The following LYRM4 variants were observed in gnomAD, a reference collection of about 807,000 sequenced individuals.
LYRM4 encodes the protein LYR motif containing 4, also known as LYR motif-containing protein 4.
A neutral mutation model predicts 11.7 loss-of-function variants in LYRM4; 9 were observed. The ratio of observed to expected loss-of-function variants is 0.77; its 90% confidence interval spans 0.46 to 1.34. The LOEUF (loss-of-function observed/expected upper bound fraction) is 1.34. Among genes scored for constraint, LYRM4 ranks in the 40% most tolerant of loss-of-function variants. The pLI is 0.00. For synonymous variants in LYRM4, 42 were observed against 40.4 expected, an observed-to-expected ratio of 1.04 and a Z score of -0.15; for missense variants, 133 against 112.5, an observed-to-expected ratio of 1.18 and a Z score of -0.82.
the LYRM4 span, among the ~76,000 whole-genome samples, chr6:5,079,370 T>C: frequency 6.6e-6 from 1 of 152,228 alleles, no homozygotes; most frequent in Non-Finnish European, 1.5e-5. Flanking sequence ...ATTCTCTTCT[T>C]GGTGCAAGGA....
At chr6:5,087,019 G>C in the LYRM4 span, 1 of 160,712 alleles carries the variant, frequency 6.2e-6, no homozygotes, top group Non-Finnish European at 1.4e-5. Context: ...CGGTGCACCA[G>C]AGGAAGGTGC....
chr6:5,200,313 G>A (rs1761313844), intron 2 of LYRM4, among the ~76,000 whole-genome samples: 1 of 152,100 alleles, frequency 6.6e-6, no homozygotes, highest in African/African-American at 2.4e-5. Flanking sequence ...CTCCACTCTC[G>A]AGGACATGTC....
At chr6:5,178,580 G>A (rs778875611) in intron 2 of LYRM4, among the ~76,000 whole-genome samples, 6 of 151,584 alleles carry the variant, frequency 4.0e-5, no homozygotes, top group South Asian at 2.1e-4. Flanking sequence ...TTGGGAGGCC[G>A]AGGCAGGTGG....
chr6:5,074,105 G>T, the LYRM4 span, among the ~76,000 whole-genome samples: 1 of 152,098 alleles, frequency 6.6e-6, no homozygotes, highest in East Asian at 1.9e-4. Context: ...CCCCCATCTG[G>T]ATCCCCAAAA....
chr6:5,143,528 C>T (rs1757526685), intron 2 of LYRM4, among the ~76,000 whole-genome samples: 1 of 152,186 alleles, frequency 6.6e-6, no homozygotes, highest in African/African-American at 2.4e-5. Flanking sequence ...TGAGATGTGG[C>T]TGGCATAGGC....
At chr6:5,038,571 G>A in the LYRM4 span, among the ~76,000 whole-genome samples, 297 of 64,680 alleles carry the variant, frequency 4.6e-3, 130 homozygotes, top group Non-Finnish European at 6.1e-3. Flanking sequence ...CCGAGATCAC[G>A]CCACTGCACT....
chr6:5,136,621 G>A, intron 2 of LYRM4: 16 of 985,330 alleles, frequency 1.6e-5, no homozygotes, highest in African/African-American at 3.5e-5. Context: ...TCTAGTAATC[G>A]ATTACTTCCA....
the LYRM4 span, among the ~76,000 whole-genome samples, chr6:5,096,137 T>C: frequency 6.6e-6 from 1 of 152,198 alleles, no homozygotes; most frequent in Non-Finnish European, 1.5e-5. Flanking sequence ...ATTTCTGCAA[T>C]TTCTTGTGAG....
At chr6:5,136,906 A>G (rs1489413854) in intron 2 of LYRM4, 3 of 877,586 alleles carry the variant, frequency 3.4e-6, no homozygotes, top group African/African-American at 1.8e-5. Context: ...TTTTTAGTAT[A>G]TTCACAGTTG....
At chr6:5,079,316 C>T in the LYRM4 span, among the ~76,000 whole-genome samples, 1 of 152,192 alleles carries the variant, frequency 6.6e-6, no homozygotes, top group Admixed American at 6.5e-5. Context: ...TTTGTTTACA[C>T]AGATTCATCT....
the LYRM4 span, among the ~76,000 whole-genome samples, chr6:5,077,187 C>T: frequency 9.9e-5 from 15 of 152,218 alleles, no homozygotes; most frequent in Non-Finnish European, 1.9e-4. Flanking sequence ...GTCAGCCACG[C>T]CGTCTACTCC....
intron 1 of LYRM4, among the ~76,000 whole-genome samples, chr6:5,258,761 T>C (rs1198965924): frequency 6.6e-6 from 1 of 152,240 alleles, no homozygotes; most frequent in Non-Finnish European, 1.5e-5. Context: ...TAAAAGTATA[T>C]GCTTAAGGTA....
chr6:5,053,821 G>A, the LYRM4 span, among the ~76,000 whole-genome samples: 1 of 152,094 alleles, frequency 6.6e-6, no homozygotes, highest in Non-Finnish European at 1.5e-5. Context: ...GAAGTCCCAA[G>A]GTAAGTAACC....
At chr6:5,066,462 TGAAAG>T in the LYRM4 span, 1 of 759,402 alleles carries the variant, frequency 1.3e-6, no homozygotes, top group Non-Finnish European at 2.5e-6. Context: ...TCCCAAATTC[TGAAAG>T]AGCCCTTGAG....
At chr6:5,126,920 C>T (rs938660305) in intron 2 of LYRM4, among the ~76,000 whole-genome samples, 4 of 152,118 alleles carry the variant, frequency 2.6e-5, no homozygotes, top group Non-Finnish European at 5.9e-5. Context: ...GATGCTGGCA[C>T]AACTCTGAAT....
chr6:5,188,371 G>GAA (rs71540852), intron 2 of LYRM4, among the ~76,000 whole-genome samples: 1 of 142,126 alleles, frequency 7.0e-6, no homozygotes, highest in African/African-American at 2.6e-5. Flanking sequence ...ACTCTCAAAA[G>GAA]AAAAAAAAAA....
intron 2 of LYRM4, among the ~76,000 whole-genome samples, chr6:5,114,897 G>T (rs145867766): frequency 1.3e-5 from 2 of 152,316 alleles, no homozygotes; most frequent in African/African-American, 4.8e-5. Flanking sequence ...TGGATATGTG[G>T]CTATTAATAG....
At chr6:5,175,811 C>A (rs1461741365) in intron 2 of LYRM4, among the ~76,000 whole-genome samples, 2 of 152,192 alleles carry the variant, frequency 1.3e-5, no homozygotes, top group Admixed American at 6.5e-5. Flanking sequence ...TTCTGCCCAC[C>A]AAGTAGGAAG....
At chr6:5,229,195 A>G (rs1763086399) in intron 1 of LYRM4, among the ~76,000 whole-genome samples, 1 of 152,024 alleles carries the variant, frequency 6.6e-6, no homozygotes, top group Non-Finnish European at 1.5e-5. Flanking sequence ...TACACATCAG[A>G]AAAAACAATT....
Sources: allele counts gnomAD v4.1 joint callset (sites outside exome capture counted in the v4.1 genomes callset), GRCh38; gene constraint gnomAD v4.1.1; transcripts MANE v1.5; gene names NCBI Gene and HGNC (gene_info 2026-07-23, HGNC 2026-07-21).